Variants in NKAIN2 observed in about 807,000 individuals in gnomAD.
NKAIN2 encodes sodium/potassium-transporting ATPase subunit beta-1-interacting protein 2.
In NKAIN2, 14 loss-of-function variants were observed where a neutral mutation model predicts 32.6. The observed-to-expected ratio is 0.43, with a 90% confidence interval of 0.28 to 0.67. The LOEUF (loss-of-function observed/expected upper bound fraction) is 0.67, where lower values mean the gene tolerates loss of function less well. NKAIN2 is among the 30% of genes least tolerant of loss of function. The pLI, the probability that NKAIN2 is intolerant of heterozygous loss-of-function variation, is 0.17. For missense variants in NKAIN2, 198 were observed against 258.3 expected (o/e 0.77, Z 1.60); for synonymous variants, 80 against 87.2 (o/e 0.92, Z 0.46).
At chr6:123,849,056 G>A (rs1044585185) in intron 1 of NKAIN2, among the ~76,000 whole-genome samples, 1 of 152,140 alleles carries the variant, frequency 6.6e-6, no homozygotes, top group African/African-American at 2.4e-5. Flanking sequence ...GACACTCAAA[G>A]CCTTTGGAGA....
At chr6:124,723,480 T>C (rs1472687762) in intron 4 of NKAIN2, among the ~76,000 whole-genome samples, 1 of 152,228 alleles carries the variant, frequency 6.6e-6, no homozygotes, top group African/African-American at 2.4e-5. Context: ...AGGGTTGGCA[T>C]TTCAGTTATT....
At chr6:124,563,208 A>C (rs1376772158) in intron 3 of NKAIN2, among the ~76,000 whole-genome samples, 1 of 151,996 alleles carries the variant, frequency 6.6e-6, no homozygotes, top group Non-Finnish European at 1.5e-5. Flanking sequence ...CCGGCCAAAA[A>C]TAGTTTTGCA....
At chr6:124,401,302 A>G (rs1773614659) in intron 3 of NKAIN2, among the ~76,000 whole-genome samples, 1 of 152,052 alleles carries the variant, frequency 6.6e-6, no homozygotes, top group South Asian at 2.1e-4. Context: ...GCTAATGTAT[A>G]CTCCTACAAG....
At chr6:123,820,567 A>G (rs1773881506) in intron 1 of NKAIN2, among the ~76,000 whole-genome samples, 2 of 152,130 alleles carry the variant, frequency 1.3e-5, no homozygotes, top group African/African-American at 4.8e-5. Flanking sequence ...CATGCTGACC[A>G]TCCAGATGCT....
intron 3 of NKAIN2, among the ~76,000 whole-genome samples, chr6:124,472,994 G>A (rs142238904): frequency 8.5e-5 from 13 of 152,220 alleles, no homozygotes; most frequent in African/African-American, 2.9e-4. Context: ...GAGAATAGCA[G>A]GACTCACCAG....
At chr6:124,462,268 A>G (rs998294184) in intron 3 of NKAIN2, among the ~76,000 whole-genome samples, 2 of 151,972 alleles carry the variant, frequency 1.3e-5, no homozygotes, top group Non-Finnish European at 2.9e-5. Context: ...TAAAAGCACC[A>G]TAATCTAATA....
intron 3 of NKAIN2, among the ~76,000 whole-genome samples, chr6:124,491,604 C>T (rs1777865290): frequency 6.6e-6 from 1 of 151,766 alleles, no homozygotes; most frequent in Non-Finnish European, 1.5e-5. Flanking sequence ...CCTCCCACAG[C>T]TAGTTATGTG....
At chr6:124,266,101 T>C (rs950043169) in intron 1 of NKAIN2, among the ~76,000 whole-genome samples, 6 of 152,194 alleles carry the variant, frequency 3.9e-5, no homozygotes, top group Admixed American at 3.3e-4. Flanking sequence ...TAACTTAATG[T>C]AATATTTTTT....
chr6:124,655,639 T>A (rs1190257456), intron 3 of NKAIN2, among the ~76,000 whole-genome samples: 1 of 152,122 alleles, frequency 6.6e-6, no homozygotes, highest in East Asian at 1.9e-4. Context: ...TAGTTACCTA[T>A]CTGAACCACT....
intron 3 of NKAIN2, among the ~76,000 whole-genome samples, chr6:124,378,929 A>AT (rs538033796): frequency 0.024 from 3,311 of 139,020 alleles, 78 homozygotes; most frequent in Admixed American, 0.054. Flanking sequence ...CTGACTCTAC[A>AT]TTTTTTTTTT....
chr6:124,314,456 G>C (rs1005485735), intron 2 of NKAIN2, among the ~76,000 whole-genome samples: 16 of 152,108 alleles, frequency 1.1e-4, no homozygotes, highest in Non-Finnish European at 2.2e-4. Flanking sequence ...ATTTGGAAGT[G>C]CTCTGAAAGA....
At chr6:124,127,794 G>A (rs540955931) in intron 1 of NKAIN2, among the ~76,000 whole-genome samples, 2 of 151,928 alleles carry the variant, frequency 1.3e-5, no homozygotes, top group Non-Finnish European at 2.9e-5. Flanking sequence ...GAGACAGAAG[G>A]CCCCATCAGG....
intron 1 of NKAIN2, among the ~76,000 whole-genome samples, chr6:124,143,440 G>A (rs145712873): frequency 1.5e-3 from 233 of 152,268 alleles, no homozygotes; most frequent in Non-Finnish European, 2.6e-3. Flanking sequence ...ACCCTGGGTG[G>A]CAGAGTGAGA....
intron 1 of NKAIN2, among the ~76,000 whole-genome samples, chr6:123,976,831 T>A (rs1239699417): frequency 2.0e-5 from 3 of 152,188 alleles, no homozygotes; most frequent in Non-Finnish European, 4.4e-5. Flanking sequence ...AATTGTGAAC[T>A]TTTTACTCTT....
intron 1 of NKAIN2, among the ~76,000 whole-genome samples, chr6:124,172,963 G>A (rs1320188275): frequency 6.6e-6 from 1 of 151,994 alleles, no homozygotes; most frequent in Non-Finnish European, 1.5e-5. Flanking sequence ...CTTTGGAATT[G>A]CCTCATATAC....
intron 1 of NKAIN2, among the ~76,000 whole-genome samples, chr6:123,831,081 T>G (rs116306372): frequency 0.012 from 1,761 of 152,278 alleles, 31 homozygotes; most frequent in African/African-American, 0.04. Flanking sequence ...ATGAATTAGT[T>G]CTGCTTAGAG....
chr6:124,691,573 A>G (rs1562327027), intron 4 of NKAIN2, among the ~76,000 whole-genome samples: 1 of 152,104 alleles, frequency 6.6e-6, no homozygotes, highest in Non-Finnish European at 1.5e-5. Flanking sequence ...TTGAATAGCC[A>G]CTGGTTCCCA....
In NKAIN2 at chr6:124,548,558, CA is replaced by C. The variant is rs1168477543; in HGVS notation, c.274-109626del. On this transcript the variant is annotated intron_variant, in intron 3 of 6. Coordinates refer to ENST00000368417, the MANE Select transcript of NKAIN2 (RefSeq NM_001040214.3). ...AAGGAGAAAACTAGGATCCTTCAGG[CA>C]AGCGAAGAGTGTTACCTTCAGAGAG... is the stretch of plus-strand genomic sequence containing the variant. Among the ~76,000 whole-genome samples the C allele has an allele frequency of 8.5e-5, 13 of 152,272 alleles. No homozygotes were observed. In the East Asian group the frequency reaches 2.5e-3, roughly 29 times the overall value.
intron 3 of NKAIN2, among the ~76,000 whole-genome samples, chr6:124,451,536 G>A (rs1051881549): frequency 5.3e-5 from 8 of 152,122 alleles, no homozygotes; most frequent in South Asian, 2.1e-4. Context: ...ATAGTTATTC[G>A]CAAGCTAGGG....
Sources: gnomAD v4.1 joint callset for allele counts (sites outside exome capture counted in the v4.1 genomes callset) on GRCh38, gnomAD v4.1.1 for gene constraint, MANE v1.5 for transcripts, NCBI Gene and HGNC (gene_info 2026-07-23, HGNC 2026-07-21) for gene names.